The following ADGRE1 variants were observed in gnomAD, a reference collection of about 807,000 sequenced individuals.
The protein encoded by ADGRE1 is EGF-like module receptor 1.
Under a neutral mutation model 102.7 loss-of-function variants are expected in ADGRE1, and 82 were observed. The observed-to-expected ratio is 0.80, with a 90% CI of 0.67 to 0.96. The LOEUF (loss-of-function observed/expected upper bound fraction) is 0.96, where lower values mean the gene tolerates loss of function less well. ADGRE1 is among the 40% of genes least tolerant of loss of function. The pLI, the probability that ADGRE1 is intolerant of heterozygous loss-of-function variation, is 0.00. For missense variants in ADGRE1, 1,032 were observed against 1,085.3 expected, an observed-to-expected ratio of 0.95 and a Z score of 0.69; for synonymous variants, 398 against 399.6, an observed-to-expected ratio of 1.00 and a Z score of 0.05.
At position 6,926,403 on chromosome 19, in the gene ADGRE1, T is replaced by C; in HGVS notation, c.2024T>C (p.Leu675Pro). The C allele has an allele frequency of 6.2e-7, 1 of 1,614,198 alleles. No homozygotes were observed. Among genetic ancestry groups the C allele is most frequent in the South Asian group, 1.1e-5 (1 of 91,084 alleles). Residue 675 changes from leucine to proline, a missense_variant, in exon 16 of 21, where the codon CTT becomes CCT. Physicochemically the swap from Leu to Pro is moderately conservative, Grantham distance 98. Coordinates refer to ENST00000312053, the MANE Select transcript of ADGRE1 (RefSeq NM_001974.5). Reference sequence around the variant, plus strand: ...ATCATCGCGGGCTTCCTGCACTACCTTTTCCTTGCCTGCTTCTTCTGGATG... The same window carrying C: ...ATCATCGCGGGCTTCCTGCACTACCCTTTCCTTGCCTGCTTCTTCTGGATG... ...CAIIAGFLHY[L>P]FLACFFWMLV...
chr19:6,911,385 G>GTTTTTTCTTTTTTTTTTTTTT (rs1974170130), intron 10 of ADGRE1, among the ~76,000 whole-genome samples: 1 of 79,842 alleles, frequency 1.3e-5, no homozygotes, highest in Non-Finnish European at 2.3e-5. Context: ...ATTCCTTTTA[G>GTTTTTTCTTTTTTTTTTTTTT]TTTTTTTTTT....
In ADGRE1 at chr19:6,908,781, TG is replaced by T. The variant is rs1276826900; in HGVS notation, c.1122+12del. On this transcript the variant is annotated intron_variant, in intron 10 of 20. Coordinates refer to ENST00000312053, the MANE Select transcript of ADGRE1 (RefSeq NM_001974.5). ...CCGTAGTTTCTCTGAAGGTAACGAT[TG>T]GGTCTTTTAAATTGTGTTTTGAGTT... is the stretch of plus-strand genomic sequence containing the variant. 1 of 1,602,194 alleles carries T rather than the reference TG, an allele frequency of 6.2e-7. No homozygotes were observed. Among genetic ancestry groups the T allele is most frequent in the Non-Finnish European group, 8.5e-7 (1 of 1,176,790 alleles).
At chr19:6,889,425 T>A (rs1973269749) in intron 1 of ADGRE1, among the ~76,000 whole-genome samples, 1 of 151,930 alleles carries the variant, frequency 6.6e-6, no homozygotes, top group Admixed American at 6.6e-5. Context: ...GCGCAGTGGC[T>A]CACGCTTGTA....
chr19:6,908,601 T>C, intron 9 of ADGRE1, 88 bp from the exon 10 acceptor site: 1 of 1,225,772 alleles, frequency 8.2e-7, no homozygotes, highest in Non-Finnish European at 1.1e-6. Flanking sequence ...TATGATGGGC[T>C]TTATGGGCTA....
chr19:6,925,876 G>C (rs1181725728), intron 15 of ADGRE1, among the ~76,000 whole-genome samples: 1 of 151,548 alleles, frequency 6.6e-6, no homozygotes, highest in Non-Finnish European at 1.5e-5. Flanking sequence ...TTGTATTTTT[G>C]TATAGAGAGG....
At chr19:6,925,020 C>A in intron 15 of ADGRE1, 148 bp downstream of exon 15, 1 of 734,024 alleles carries the variant, frequency 1.4e-6, no homozygotes, top group Non-Finnish European at 2.2e-6. Context: ...CACTTCCCAG[C>A]TTCTTACCTG....
intron 1 of ADGRE1, among the ~76,000 whole-genome samples, chr19:6,890,020 C>A (rs1973301175): frequency 6.6e-6 from 1 of 152,064 alleles, no homozygotes; most frequent in Non-Finnish European, 1.5e-5. Context: ...TCAAGCAATC[C>A]TTCCACCTCA....
At chr19:6,927,158 A>G (rs1359703667) in intron 16 of ADGRE1, among the ~76,000 whole-genome samples, 1 of 151,914 alleles carries the variant, frequency 6.6e-6, no homozygotes, top group Non-Finnish European at 1.5e-5. Flanking sequence ...ACATAATAAA[A>G]GGAGCCAATC....
chr19:6,915,010 G>GT (rs11448240), intron 11 of ADGRE1, among the ~76,000 whole-genome samples: 133,152 of 148,860 alleles, frequency 0.89, 60,129 homozygotes, highest in East Asian at 0.97. Flanking sequence ...GGGAGTTAAG[G>GT]TTTTTTTTTT....
chr19:6,887,932 T>C (rs1973208678), intron 1 of ADGRE1, among the ~76,000 whole-genome samples: 1 of 152,180 alleles, frequency 6.6e-6, no homozygotes, highest in Non-Finnish European at 1.5e-5. Flanking sequence ...GTTCCTGCAC[T>C]CTTGAGGCTG....
At chr19:6,911,534 T>C (rs1408821083) in intron 10 of ADGRE1, among the ~76,000 whole-genome samples, 1 of 151,904 alleles carries the variant, frequency 6.6e-6, no homozygotes, top group Non-Finnish European at 1.5e-5. Flanking sequence ...CTCAAACACA[T>C]CCAGTGTTAA....
chr19:6,937,384 C>T lies in ADGRE1; in HGVS notation c.2523C>T (p.Phe841=). Residue 841 remains phenylalanine (F), a synonymous_variant, in exon 19 of 21, where the codon TTC becomes TTT. Coordinates refer to ENST00000312053, the MANE Select transcript of ADGRE1 (RefSeq NM_001974.5). The stretch of plus-strand genomic sequence containing the variant: ...ACAGCCTGCAGGGGGCCTTCATCTT[C>T]CTCATCCACTGTCTGCTCAACGGCC... ...IINSLQGAFI[F]LIHCLLNGQV... 6.2e-7 allele frequency: 1 copy of T among 1,613,924 alleles called. No individual in the cohort carries two copies. The highest frequency in any genetic ancestry group is 8.5e-7 in the Non-Finnish European group (1 of 1,179,994).
At chr19:6,919,834 G>A (rs1974567182) in intron 13 of ADGRE1, 87 bp downstream of exon 13, 1 of 1,350,514 alleles carries the variant, frequency 7.4e-7, no homozygotes. Context: ...TTTTTTACGG[G>A]AAGCTATTGA....
chr19:6,932,991 C>G (rs985550434), intron 17 of ADGRE1, among the ~76,000 whole-genome samples: 15 of 152,180 alleles, frequency 9.9e-5, no homozygotes, highest in Non-Finnish European at 1.8e-4. Context: ...GAGGCCAAGG[C>G]AGGCAGATCA....
At chr19:6,896,182 A>G (rs926649926) in intron 2 of ADGRE1, 4 of 503,234 alleles carry the variant, frequency 7.9e-6, no homozygotes, top group Non-Finnish European at 1.4e-5. Flanking sequence ...CTCCAGCACT[A>G]CTTCATCTTA....
chr19:6,931,799 A>G (rs1380907125), intron 17 of ADGRE1, among the ~76,000 whole-genome samples: 1 of 151,354 alleles, frequency 6.6e-6, no homozygotes, highest in East Asian at 1.9e-4. Context: ...CTGTCTCAAA[A>G]AAAAGAAAAA....
chr19:6,913,581 C>G, intron 10 of ADGRE1, 72 bp from the exon 11 acceptor site: 3 of 1,388,440 alleles, frequency 2.2e-6, no homozygotes, highest in East Asian at 2.5e-5. Context: ...TATTCTTAAT[C>G]AGAAAAGGGA....
chr19:6,912,884 G>A (rs943314978), intron 10 of ADGRE1, among the ~76,000 whole-genome samples: 8 of 152,154 alleles, frequency 5.3e-5, no homozygotes, highest in African/African-American at 1.7e-4. Context: ...CATGGCTATG[G>A]GTACAAACTT....
intron 17 of ADGRE1, among the ~76,000 whole-genome samples, chr19:6,934,046 T>C (rs1317539479): frequency 1.3e-5 from 2 of 152,132 alleles, no homozygotes; most frequent in Non-Finnish European, 2.9e-5. Context: ...TATTCCGAGA[T>C]TTCTGTAGTC....
Sources: allele counts gnomAD v4.1 joint callset (sites outside exome capture counted in the v4.1 genomes callset), GRCh38; gene constraint gnomAD v4.1.1; transcripts MANE v1.5; gene names NCBI Gene and HGNC (gene_info 2026-07-23, HGNC 2026-07-21).